Variants in DLGAP2 observed in about 807,000 individuals in gnomAD.
The protein encoded by DLGAP2 is disks large-associated protein 2.
A neutral mutation model predicts 100.3 loss-of-function variants in DLGAP2; 26 were observed. That is an observed-to-expected ratio of 0.26 (90% CI 0.19 to 0.36). The LOEUF (loss-of-function observed/expected upper bound fraction) is 0.36. Among genes scored for constraint, DLGAP2 ranks in the 10% least tolerant of loss-of-function variants. The probability of loss-of-function intolerance (pLI) is 1.00; values close to 1 mark genes in which losing one functional copy is unlikely to be tolerated. For synonymous variants in DLGAP2, 886 were observed against 630.1 expected (o/e 1.41, Z -6.08); for missense variants, 1,858 against 1,453.2 (o/e 1.28, Z -4.53).
At chr8:1,256,723 T>C (rs1563045240) in intron 2 of DLGAP2, among the ~76,000 whole-genome samples, 1 of 152,286 alleles carries the variant, frequency 6.6e-6, no homozygotes. Flanking sequence ...CCGAGTGAGA[T>C]GCCTTCTCCC....
chr8:935,120 G>T (rs1799040425), intron 2 of DLGAP2, among the ~76,000 whole-genome samples: 2 of 152,356 alleles, frequency 1.3e-5, no homozygotes, highest in African/African-American at 4.8e-5. Flanking sequence ...AGAGCCTGCT[G>T]CCATTCCCGC....
At chr8:1,457,948 T>C (rs867766575) in intron 3 of DLGAP2, among the ~76,000 whole-genome samples, 2 of 141,790 alleles carry the variant, frequency 1.4e-5, no homozygotes, top group South Asian at 2.2e-4. Context: ...AAAGCTAAAC[T>C]CCTGTCAATT....
At chr8:1,084,901 G>T (rs776113940) in intron 2 of DLGAP2, among the ~76,000 whole-genome samples, 4 of 152,142 alleles carry the variant, frequency 2.6e-5, no homozygotes, top group African/African-American at 9.7e-5. Context: ...CCAGAAGTGG[G>T]ACTGCTGGAT....
intron 1 of DLGAP2, among the ~76,000 whole-genome samples, chr8:797,992 C>G (rs369760016): frequency 1.3e-5 from 2 of 152,132 alleles, no homozygotes; most frequent in Admixed American, 1.3e-4. Flanking sequence ...TGTCGTGATA[C>G]GCCCACCTCG....
intron 1 of DLGAP2, among the ~76,000 whole-genome samples, chr8:898,816 T>TG: frequency 6.6e-6 from 1 of 152,298 alleles, no homozygotes; most frequent in Non-Finnish European, 1.5e-5. Flanking sequence ...CCGTGTAAAA[T>TG]GGAGTTTCAG....
intron 2 of DLGAP2, among the ~76,000 whole-genome samples, chr8:1,244,350 G>T (rs1006977103): frequency 6.6e-6 from 1 of 152,222 alleles, no homozygotes; most frequent in African/African-American, 2.4e-5. Flanking sequence ...TACACTATTG[G>T]CTGAGCACAT....
At chr8:1,460,707 C>T (rs116608047) in intron 3 of DLGAP2, among the ~76,000 whole-genome samples, 6 of 152,144 alleles carry the variant, frequency 3.9e-5, no homozygotes, top group Admixed American at 6.5e-5. Flanking sequence ...AAAGAGATAA[C>T]TCATAATTTG....
intron 4 of DLGAP2, among the ~76,000 whole-genome samples, 162 bp from the exon 5 acceptor site, chr8:1,548,464 A>G (rs1298097487): frequency 6.2e-5 from 9 of 146,132 alleles, no homozygotes; most frequent in African/African-American, 2.1e-4. Context: ...CTCAGAAAAA[A>G]AAAAAAAAAA....
intron 2 of DLGAP2, among the ~76,000 whole-genome samples, chr8:1,028,295 T>C (rs1383733435): frequency 7.2e-6 from 1 of 139,010 alleles, no homozygotes; most frequent in African/African-American, 2.8e-5. Context: ...GCGCCCGTTA[T>C]TCTCCAGGTC....
intron 1 of DLGAP2, among the ~76,000 whole-genome samples, chr8:817,211 G>A (rs1350245261): frequency 1.3e-5 from 2 of 150,270 alleles, no homozygotes; most frequent in Admixed American, 6.6e-5. Context: ...TGAAAGCCTT[G>A]TCTTAAGCTC....
intron 3 of DLGAP2, among the ~76,000 whole-genome samples, chr8:1,310,626 T>C (rs1213423673): frequency 6.6e-6 from 1 of 152,174 alleles, no homozygotes; most frequent in Non-Finnish European, 1.5e-5. Flanking sequence ...TGTAAAAGAC[T>C]AAAATCATAA....
chr8:1,099,790 A>G (rs368420969), intron 2 of DLGAP2, among the ~76,000 whole-genome samples: 2 of 152,186 alleles, frequency 1.3e-5, no homozygotes, highest in South Asian at 2.1e-4. Context: ...TATTTACCCA[A>G]TCCTTGGGAT....
rs1031587067 is a variant in DLGAP2 at position 1,333,523 on chromosome 8, C to G, written c.106+74640C>G. 2.6e-5 allele frequency among the ~76,000 whole-genome samples: 4 copies of G among 152,178 alleles called. No individual in the cohort carries two copies. In the South Asian group the frequency reaches 6.2e-4, roughly 24 times the overall value. On this transcript the variant is annotated intron_variant, in intron 3 of 14. Coordinates refer to ENST00000637795, the MANE Select transcript of DLGAP2 (RefSeq NM_001346810.2). ...ACAGACAGGGGTTCACACCCCGTTT[C>G]TCCTCCCGTGAGTCCTGTGTGCAGG...
At chr8:1,410,088 G>A (rs1051815078) in intron 3 of DLGAP2, among the ~76,000 whole-genome samples, 1 of 152,192 alleles carries the variant, frequency 6.6e-6, no homozygotes, top group Non-Finnish European at 1.5e-5. Flanking sequence ...AAGCCAAGCG[G>A]TGTCCTCCCC....
At chr8:896,600 G>A (rs1422495937) in intron 1 of DLGAP2, among the ~76,000 whole-genome samples, 18 of 152,136 alleles carry the variant, frequency 1.2e-4, no homozygotes, top group Admixed American at 1.2e-3. Context: ...ACGGCGAGGT[G>A]TAGTCACGAG....
intron 1 of DLGAP2, among the ~76,000 whole-genome samples, chr8:749,520 T>C (rs1358882690): frequency 6.6e-6 from 1 of 152,336 alleles, no homozygotes; most frequent in African/African-American, 2.4e-5. Context: ...CATCCTTTTA[T>C]AAGTTAATTT....
At chr8:796,314 C>T (rs1489114925) in intron 1 of DLGAP2, among the ~76,000 whole-genome samples, 2 of 152,200 alleles carry the variant, frequency 1.3e-5, no homozygotes, top group African/African-American at 2.4e-5. Context: ...CTGAGCTTGT[C>T]ATCTGGCCAC....
At chr8:1,121,732 C>T (rs1452780107) in intron 2 of DLGAP2, among the ~76,000 whole-genome samples, 3 of 85,672 alleles carry the variant, frequency 3.5e-5, no homozygotes, top group African/African-American at 9.3e-5. Context: ...CTTTAGAACC[C>T]ACAACCACCC....
chr8:739,065 G>T (rs13262334), intron 1 of DLGAP2: 9 of 155,028 alleles, frequency 5.8e-5, no homozygotes, highest in African/African-American at 1.9e-4. Context: ...GTGACTTGTC[G>T]GCGGCCCCGG....
Sources: allele counts gnomAD v4.1 joint callset (sites outside exome capture counted in the v4.1 genomes callset), GRCh38; gene constraint gnomAD v4.1.1; transcripts MANE v1.5; gene names NCBI Gene and HGNC (gene_info 2026-07-23, HGNC 2026-07-21).